The following ZNF566 variants were observed in gnomAD, a reference collection of about 807,000 sequenced individuals.
ZNF566 encodes the protein zinc finger protein 566.
ZNF566 carries 27 observed loss-of-function variants against 32.8 expected under a neutral mutation model. That is an observed-to-expected ratio of 0.82 (90% CI 0.61 to 1.14). The LOEUF is 1.14. Ranked by LOEUF, ZNF566 falls within the 50% of genes most tolerant of loss-of-function variation. The pLI, the probability that ZNF566 is intolerant of heterozygous loss-of-function variation, is 0.00. For synonymous variants in ZNF566, 154 were observed against 159.5 expected, an observed-to-expected ratio of 0.97 and a Z score of 0.26; for missense variants, 402 against 490.4, an observed-to-expected ratio of 0.82 and a Z score of 1.70.
At chr19:36,476,435 T>C (rs1600170467) in intron 2 of ZNF566, 114 bp downstream of exon 2, 3 of 950,366 alleles carry the variant, frequency 3.2e-6, no homozygotes, top group Non-Finnish European at 3.1e-6. Flanking sequence ...AACCAAACTT[T>C]TTGAAAGGTG....
At position 36,449,128 on chromosome 19, in the gene ZNF566, C is replaced by G. The variant is rs2033071975; in HGVS notation, c.1106G>C (p.Cys369Ser). 6.2e-7 allele frequency: 1 copy of G among 1,613,984 alleles called. No individual in the cohort carries two copies. The highest frequency in any genetic ancestry group is 1.7e-5 in the Admixed American group (1 of 59,990). The change falls in exon 5 of 5, where the codon TGT becomes TCT. Residue 369 changes from cysteine to serine, a missense_variant. Physicochemically the swap from Cys to Ser is moderately radical, Grantham distance 112. Coordinates refer to ENST00000452939, the MANE Select transcript of ZNF566 (RefSeq NM_001145344.1). ...AGAATAAGCCTTCCCACATATCTTA[C>G]ATTCATAGGGTTTCTCCCCAGTATG... is the stretch of plus-strand genomic sequence containing the variant. ...RIHTGEKPYE[C>S]KICGKAYSQS...
chr19:36,459,998 G>A (rs1317755814), intron 4 of ZNF566, among the ~76,000 whole-genome samples: 2 of 151,482 alleles, frequency 1.3e-5, no homozygotes, highest in African/African-American at 4.9e-5. Context: ...GTAAAGACGA[G>A]GTTTCAACAC....
chr19:36,449,233 G>T lies in ZNF566; in HGVS notation c.1001C>A (p.Thr334Lys), dbSNP rs766172145. ...SQLIKHQRIH[T>K]GEKPYECKEC... is the part of the protein sequence containing the mutation. ...CTTACATTCGTAAGGTTTCTCACCT[G>T]TATGGATTCTTTGATGTTTAATAAG... The change falls in exon 5 of 5, where the codon ACA becomes AAA. Residue 334 changes from threonine to lysine, a missense_variant. Thr to Lys is a moderately conservative substitution (Grantham distance 78, BLOSUM62 -1). This residue lies in a region of ZNF566 where 135 missense variants were observed against 210.0 expected (regional missense o/e 0.64). Transcript: ENST00000452939. 1 of 1,614,068 alleles carries T rather than the reference G, an allele frequency of 6.2e-7. No homozygotes were observed. The highest frequency in any genetic ancestry group is 8.5e-7 in the Non-Finnish European group (1 of 1,180,008).
intron 1 of ZNF566, among the ~76,000 whole-genome samples, chr19:36,477,096 C>T (rs1466257729): frequency 1.3e-5 from 2 of 151,978 alleles, no homozygotes; most frequent in South Asian, 2.1e-4. Flanking sequence ...CTGCAACCTC[C>T]GCGTCCTGGG....
At chr19:36,465,166 G>C (rs1382357262) in intron 4 of ZNF566, among the ~76,000 whole-genome samples, 1 of 151,836 alleles carries the variant, frequency 6.6e-6, no homozygotes, top group Non-Finnish European at 1.5e-5. Context: ...AAAATGACCA[G>C]GGAAATTTAA....
rs2033059712 is a variant in ZNF566 at position 36,448,804 on chromosome 19, T to C, written c.*173A>G. ...AGCGTTTAGTTAAGGGCTTCCAAAG[T>C]ATATTCTATTCATAGAGTATTTCTC... On this transcript the variant is annotated 3_prime_UTR_variant, in exon 5 of 5. Transcript: ENST00000452939. The C allele has an allele frequency of 3.4e-5, 19 of 563,368 alleles. 1 individual carries two copies. The South Asian group carries it at 6.3e-4, about 19-fold the overall frequency. 34.9% of individuals were successfully genotyped at this position (563,368 alleles called of 1,614,324 possible). A position where few individuals can be genotyped will look rare whatever the true frequency, so the allele number is the denominator to read the frequency against.
At position 36,449,580 on chromosome 19, in the gene ZNF566, CTGA is replaced by C; in HGVS notation, c.651_653del (p.His217del). On this transcript the variant is annotated inframe_deletion, in exon 5 of 5. Transcript: ENST00000452939. ...AGGGTTTCTTGCCAGTATGAATTTT[CTGA>C]TGATGAGTGAGTCTTGAGGGATGTC... 6.2e-7 allele frequency: 1 copy of C among 1,614,128 alleles called. No homozygotes were observed. Among genetic ancestry groups the C allele is most frequent in the Non-Finnish European group, 8.5e-7 (1 of 1,180,020 alleles).
chr19:36,472,824 C>G (rs1375076879), intron 4 of ZNF566, 87 bp downstream of exon 4: 2 of 1,081,108 alleles, frequency 1.8e-6, no homozygotes, highest in Non-Finnish European at 2.7e-6. Flanking sequence ...AGGCCAAAAG[C>G]CTGTGAGGAG....
At position 36,461,995 on chromosome 19, in the gene ZNF566, T is replaced by G. The variant is rs1048149790; in HGVS notation, c.232+10916A>C. 9.2e-5 allele frequency among the ~76,000 whole-genome samples: 14 copies of G among 151,706 alleles called. No homozygotes were observed. In the South Asian group the frequency reaches 1.2e-3, roughly 14 times the overall value. On this transcript the variant is annotated intron_variant, in intron 4 of 4. Coordinates refer to ENST00000452939, the MANE Select transcript of ZNF566 (RefSeq NM_001145344.1). ...CTGAGTTTTTTGAACTTTGGGTTTT[T>G]TTTTTTTTTTGGAGATGGAGTTTAC...
At chr19:36,487,382 CAG>C (rs1292256621) in intron 1 of ZNF566, among the ~76,000 whole-genome samples, 1 of 152,114 alleles carries the variant, frequency 6.6e-6, no homozygotes, top group Non-Finnish European at 1.5e-5. Flanking sequence ...AAAAACACAG[CAG>C]AGTGTTCACA....
At chr19:36,451,719 G>A (rs1379677569) in intron 4 of ZNF566, among the ~76,000 whole-genome samples, 3 of 152,264 alleles carry the variant, frequency 2.0e-5, no homozygotes, top group Middle Eastern at 3.4e-3. Flanking sequence ...TACTATGGAA[G>A]AATTTCTGCC....
At position 36,446,993 on chromosome 19, in the gene ZNF566, T is replaced by G. The variant is rs2033010196; in HGVS notation, c.*1984A>C. On this transcript the variant is annotated 3_prime_UTR_variant, in exon 5 of 5. Transcript: ENST00000452939. Reference sequence around the variant, plus strand: ...GAAGGCCCATTTCAAAACACTAACTTAACCCCAAACAAAGCTACACTGTGG... The same window carrying G: ...GAAGGCCCATTTCAAAACACTAACTGAACCCCAAACAAAGCTACACTGTGG... 3 of 151,778 alleles carry G rather than the reference T, an allele frequency of 2.0e-5. No homozygotes were observed. The highest frequency in any genetic ancestry group is 6.6e-5 in the Admixed American group (1 of 15,214). The allele number at this position is 151,778 out of a possible 1,614,324, so 9.4% of individuals were successfully genotyped here. A position where few individuals can be genotyped will look rare whatever the true frequency, so the allele number is the denominator to read the frequency against.
At chr19:36,469,922 G>GAA (rs11388525) in intron 4 of ZNF566, among the ~76,000 whole-genome samples, 7 of 147,622 alleles carry the variant, frequency 4.7e-5, no homozygotes, top group Non-Finnish European at 7.5e-5. Context: ...TGCACTAAAA[G>GAA]AAAAAAAAAA....
At chr19:36,453,504 TA>T (rs1270213301) in intron 4 of ZNF566, among the ~76,000 whole-genome samples, 127 of 77,814 alleles carry the variant, frequency 1.6e-3, no homozygotes, top group African/African-American at 6.5e-3. Flanking sequence ...AATAAATAAA[TA>T]AATTAATTAA....
chr19:36,451,993 C>A (rs560534772), intron 4 of ZNF566, among the ~76,000 whole-genome samples: 2 of 151,256 alleles, frequency 1.3e-5, no homozygotes, highest in Non-Finnish European at 2.9e-5. Context: ...GGGAACAGAG[C>A]GAGACTCCAT....
chr19:36,448,232 T>G lies in ZNF566; in HGVS notation c.*745A>C, dbSNP rs1393464779. The stretch of plus-strand genomic sequence containing the variant: ...TATATTCACACATTACTTCTGCAAT[T>G]AAAAGATATGATACAAAGATGTGCT... On this transcript the variant is annotated 3_prime_UTR_variant, in exon 5 of 5. Coordinates refer to ENST00000452939, the MANE Select transcript of ZNF566 (RefSeq NM_001145344.1). 6.6e-6 allele frequency: 1 copy of G among 152,112 alleles called. No individual in the cohort carries two copies. The highest frequency in any genetic ancestry group is 1.5e-5 in the Non-Finnish European group (1 of 67,996). The allele number at this position is 152,112 out of a possible 1,614,324, so 9.4% of individuals were successfully genotyped here. A position where few individuals can be genotyped will look rare whatever the true frequency, so the allele number is the denominator to read the frequency against.
chr19:36,461,399 A>C (rs2033457823), intron 4 of ZNF566, among the ~76,000 whole-genome samples: 1 of 152,232 alleles, frequency 6.6e-6, no homozygotes, highest in African/African-American at 2.4e-5. Flanking sequence ...GGCTGGACGC[A>C]GTGGCTTACG....
At chr19:36,473,767 C>G (rs1164495822) in intron 2 of ZNF566, among the ~76,000 whole-genome samples, 1 of 152,188 alleles carries the variant, frequency 6.6e-6, no homozygotes, top group Non-Finnish European at 1.5e-5. Context: ...TGCAATGCCT[C>G]ACACTATACC....
chr19:36,472,914 G>A lies in ZNF566; in HGVS notation c.229C>T (p.Pro77Ser), dbSNP rs1354878156. The change falls in exon 4 of 5, where the codon CCA (proline) becomes TCA (serine). Residue 77 changes from proline to serine, a missense_variant. By Grantham distance (74) the Pro-to-Ser change is moderately conservative. Around this residue, in one of 3 missense-constraint regions of ZNF566, gnomAD observed 220 missense variants for 241.9 expected, o/e 0.91. Transcript: ENST00000452939. ...ADRELTRGQW[P>S]VLESRCETKK... ...TTACCTGCTGTGCCTCACTTACCTG[G>A]CCACTGGCCTCTTGTTAGCTCTCTG... 8 of 1,612,280 alleles carry A rather than the reference G, an allele frequency of 5.0e-6. No individual in the cohort carries two copies. Among genetic ancestry groups the A allele is most frequent in the Non-Finnish European group, 5.1e-6 (6 of 1,179,340 alleles).
Sources: gnomAD v4.1 joint callset for allele counts (sites outside exome capture counted in the v4.1 genomes callset) on GRCh38, gnomAD v4.1.1 for gene constraint, gnomAD v4.1.1 regional missense constraint, MANE v1.5 for transcripts, NCBI Gene and HGNC (gene_info 2026-07-23, HGNC 2026-07-21) for gene names.